Variants in VAT1L observed in about 807,000 individuals in gnomAD.
VAT1L encodes the protein vesicle amine transport 1 like, also known as putative NADPH-dependent quinone oxidoreductase VAT1L.
In VAT1L, 34 loss-of-function variants were observed where a neutral mutation model predicts 44.1. The observed-to-expected ratio is 0.77, with a 90% CI of 0.59 to 1.03. The LOEUF (loss-of-function observed/expected upper bound fraction) is 1.03. Ranked by LOEUF, VAT1L falls within the 50% of genes least tolerant of loss-of-function variation. The pLI is 0.00. For missense variants in VAT1L, 615 were observed against 538.8 expected, an observed-to-expected ratio of 1.14 and a Z score of -1.40; for synonymous variants, 253 against 202.2, an observed-to-expected ratio of 1.25 and a Z score of -2.13.
chr16:77,842,877 A>G (rs754863916), intron 3 of VAT1L, among the ~76,000 whole-genome samples: 51 of 152,238 alleles, frequency 3.4e-4, no homozygotes, highest in Non-Finnish European at 6.5e-4. Flanking sequence ...GTAAAATTAA[A>G]CAAGGAAATG....
chr16:77,832,244 A>G (rs558074740), intron 3 of VAT1L, among the ~76,000 whole-genome samples: 4 of 152,190 alleles, frequency 2.6e-5, no homozygotes, highest in Non-Finnish European at 5.9e-5. Flanking sequence ...ACCTCTCGGT[A>G]AAACTAAAGT....
chr16:77,837,602 G>A (rs2016653641), intron 3 of VAT1L, among the ~76,000 whole-genome samples: 1 of 152,068 alleles, frequency 6.6e-6, no homozygotes, highest in African/African-American at 2.4e-5. Context: ...GACAGAAAAG[G>A]GCCAAAACCA....
chr16:77,794,033 G>A (rs1482544744), intron 1 of VAT1L, among the ~76,000 whole-genome samples: 1 of 152,178 alleles, frequency 6.6e-6, no homozygotes, highest in Non-Finnish European at 1.5e-5. Flanking sequence ...AGACTGCTAA[G>A]TGGAAGAGCC....
At chr16:77,958,791 C>T (rs7184321) in intron 7 of VAT1L, among the ~76,000 whole-genome samples, 13,404 of 152,224 alleles carry the variant, frequency 0.088, 680 homozygotes, top group African/African-American at 0.13. Context: ...ATCCAGATTA[C>T]ACTGCCTTGC....
chr16:77,936,850 AC>A (rs1354392387), intron 7 of VAT1L, among the ~76,000 whole-genome samples: 1 of 147,576 alleles, frequency 6.8e-6, no homozygotes, highest in African/African-American at 2.5e-5. Context: ...GATTCCTAAG[AC>A]CTGAGGGTTT....
intron 7 of VAT1L, among the ~76,000 whole-genome samples, chr16:77,901,152 C>A (rs1444075335): frequency 8.8e-6 from 1 of 113,550 alleles, no homozygotes; most frequent in Non-Finnish European, 1.7e-5. Flanking sequence ...CAGTAGTTTA[C>A]CTTTTTTTTT....
intron 3 of VAT1L, among the ~76,000 whole-genome samples, chr16:77,857,080 G>C (rs1336795072): frequency 2.6e-5 from 4 of 152,212 alleles, no homozygotes; most frequent in Admixed American, 2.6e-4. Flanking sequence ...TGTATTGTTA[G>C]CCAAAGGGAA....
chr16:77,927,574 C>G (rs1429442524), intron 7 of VAT1L, among the ~76,000 whole-genome samples: 2 of 151,824 alleles, frequency 1.3e-5, no homozygotes, highest in Non-Finnish European at 1.5e-5. Flanking sequence ...TGATTTGCAC[C>G]TCAAAAAAAT....
At chr16:77,844,556 C>G (rs576794268) in intron 3 of VAT1L, among the ~76,000 whole-genome samples, 3 of 152,056 alleles carry the variant, frequency 2.0e-5, no homozygotes, top group Non-Finnish European at 4.4e-5. Flanking sequence ...CTACAGGTGC[C>G]CACCACCACG....
rs11307214 is a variant in VAT1L, at chr16:77,902,972, G to GA, written c.1077+18188dup. Among the ~76,000 whole-genome samples, 310 of 96,188 alleles carry GA rather than the reference G, an allele frequency of 3.2e-3. 4 individuals carry two copies. The highest frequency in any genetic ancestry group is 0.01 in the East Asian group (37 of 3,636). 63.1% of individuals were successfully genotyped at this position (96,188 alleles called of 152,430 possible). A position where few individuals can be genotyped will look rare whatever the true frequency, so the allele number is the denominator to read the frequency against. On this transcript the variant is annotated intron_variant, in intron 7 of 8. Coordinates refer to ENST00000302536, the MANE Select transcript of VAT1L (RefSeq NM_020927.3). ...TGGGCCACAGAGGGAGACTCTGTCT[G>GA]AAAAAAAAAAAAAAAAAAGAAAGAA...
intron 7 of VAT1L, among the ~76,000 whole-genome samples, chr16:77,891,234 G>A (rs1567499870): frequency 6.6e-6 from 1 of 151,996 alleles, no homozygotes; most frequent in Non-Finnish European, 1.5e-5. Context: ...GGCGCTTGTA[G>A]TCCCAGCTAC....
intron 7 of VAT1L, among the ~76,000 whole-genome samples, chr16:77,945,278 C>CTTTTTTTTTTTTTTT (rs56055464): frequency 0.011 from 938 of 83,042 alleles, 155 homozygotes; most frequent in Non-Finnish European, 0.016. Flanking sequence ...GATTGCAGAA[C>CTTTTTTTTTTTTTTT]TTTTTTTTTT....
Position 77,906,944 on chromosome 16 carries a change from C to T in VAT1L, c.1077+22142C>T, listed in dbSNP as rs2017443585. 2.6e-5 allele frequency among the ~76,000 whole-genome samples: 4 copies of T among 152,178 alleles called. No homozygotes were observed. The South Asian group carries it at 8.3e-4, about 32-fold the overall frequency. On this transcript the variant is annotated intron_variant, in intron 7 of 8. Transcript: ENST00000302536. ...AGTGATGTAGAAGAGGTGTTCAATA[C>T]AGTGGATTCAATTTCTTTCATGGGA...
intron 3 of VAT1L, among the ~76,000 whole-genome samples, chr16:77,840,817 T>C (rs1435942041): frequency 1.3e-5 from 2 of 152,220 alleles, no homozygotes; most frequent in Admixed American, 6.5e-5. Flanking sequence ...TGCTCATTTG[T>C]AAACACTCAT....
At chr16:77,910,542 C>T (rs373064354) in intron 7 of VAT1L, among the ~76,000 whole-genome samples, 211 of 151,874 alleles carry the variant, frequency 1.4e-3, no homozygotes, top group African/African-American at 4.9e-3. Context: ...GGCATGGTGG[C>T]GGCTGCCTGC....
At chr16:77,847,751 T>C (rs2016771506) in intron 3 of VAT1L, among the ~76,000 whole-genome samples, 2 of 152,222 alleles carry the variant, frequency 1.3e-5, no homozygotes, top group Non-Finnish European at 2.9e-5. Flanking sequence ...TAAGTGTCAC[T>C]GTAGAGACTG....
chr16:77,888,868 A>G (rs1328883123), intron 7 of VAT1L, among the ~76,000 whole-genome samples: 2 of 152,226 alleles, frequency 1.3e-5, no homozygotes, highest in Non-Finnish European at 2.9e-5. Context: ...GTAGCAAGAT[A>G]GTCCTCCATA....
chr16:77,802,646 A>G, intron 1 of VAT1L, among the ~76,000 whole-genome samples: 1 of 149,214 alleles, frequency 6.7e-6, no homozygotes, highest in African/African-American at 2.4e-5. Flanking sequence ...ACACACACAC[A>G]CACACACACA....
At chr16:77,794,630 A>G (rs1206247546) in intron 1 of VAT1L, among the ~76,000 whole-genome samples, 1 of 152,226 alleles carries the variant, frequency 6.6e-6, no homozygotes, top group Non-Finnish European at 1.5e-5. Flanking sequence ...ATTCAAAATA[A>G]ACAAGTGGCA....
Sources: gnomAD v4.1 joint callset for allele counts (sites outside exome capture counted in the v4.1 genomes callset) on GRCh38, gnomAD v4.1.1 for gene constraint, MANE v1.5 for transcripts, NCBI Gene and HGNC (gene_info 2026-07-23, HGNC 2026-07-21) for gene names.